Variants in MIER1 observed in about 807,000 individuals in gnomAD.
The protein encoded by MIER1 is MIER1 transcriptional regulator.
MIER1 carries 40 observed loss-of-function variants against 75.7 expected under a neutral mutation model. The observed-to-expected ratio is 0.53, with a 90% CI of 0.41 to 0.69. The LOEUF (loss-of-function observed/expected upper bound fraction) is 0.69, where lower values mean the gene tolerates loss of function less well. Ranked by LOEUF, MIER1 falls within the 30% of genes least tolerant of loss-of-function variation. The pLI, the probability that MIER1 is intolerant of heterozygous loss-of-function variation, is 0.00. For missense variants in MIER1, 574 were observed against 680.2 expected (o/e 0.84, Z 1.74); for synonymous variants, 213 against 223.4 (o/e 0.95, Z 0.42).
rs1377647931 is a variant in MIER1 at position 66,981,923 on chromosome 1, GCAA to G, written c.1369+7_1369+9del. 6.2e-7 allele frequency: 1 copy of G among 1,612,856 alleles called. No homozygotes were observed. The highest frequency in any genetic ancestry group is 8.5e-7 in the Non-Finnish European group (1 of 1,179,332). On this transcript the variant is annotated splice_donor_region_variant and intron_variant, in intron 13 of 13. Coordinates refer to ENST00000401041, the MANE Select transcript of MIER1 (RefSeq NM_001077700.3). ...TAAGCACTGCTAATCAAAATGGTAAGCAACCAGAGAAACATTTCTCTTTCTTCA... is the reference window on the plus strand; with the variant it reads ...TAAGCACTGCTAATCAAAATGGTAAGCCAGAGAAACATTTCTCTTTCTTCA...
intron 12 of MIER1, among the ~76,000 whole-genome samples, chr1:66,981,492 T>C (rs915967677): frequency 6.6e-6 from 1 of 152,216 alleles, no homozygotes; most frequent in Non-Finnish European, 1.5e-5. Context: ...CTTCCAGTTC[T>C]AGTTGGGCCA....
At chr1:66,981,123 C>A (rs1665791972) in intron 12 of MIER1, among the ~76,000 whole-genome samples, 1 of 152,100 alleles carries the variant, frequency 6.6e-6, no homozygotes, top group Non-Finnish European at 1.5e-5. Flanking sequence ...GTAGGTGATA[C>A]ACTAAACCTG....
chr1:66,979,857 C>A (rs972681254), intron 12 of MIER1, among the ~76,000 whole-genome samples: 1 of 151,986 alleles, frequency 6.6e-6, no homozygotes, highest in Non-Finnish European at 1.5e-5. Flanking sequence ...CTCCACCGCC[C>A]GGGTTGAAGT....
chr1:66,925,509 C>T (rs1651419068), intron 1 of MIER1: 1 of 985,346 alleles, frequency 1.0e-6, no homozygotes, highest in Admixed American at 6.1e-5. Flanking sequence ...CCCCGGGAGG[C>T]TCTCGCTTGC....
rs984587390 is a variant in MIER1, at chr1:66,926,296, G to A, written c.168+54G>A. ...GGAGGGAAAATCCAAACTCCCTCAAGTAATATAAGATTATATTACTCTTCT... is the reference window on the plus strand; with the variant it reads ...GGAGGGAAAATCCAAACTCCCTCAAATAATATAAGATTATATTACTCTTCT... On this transcript the variant is annotated intron_variant, in intron 2 of 13. Coordinates refer to ENST00000401041, the MANE Select transcript of MIER1 (RefSeq NM_001077700.3). The A allele has an allele frequency of 3.0e-5, 39 of 1,310,958 alleles. 1 individual carries two copies. The highest frequency in any genetic ancestry group is 1.8e-4 in the Middle Eastern group (1 of 5,496). 81.2% of individuals were successfully genotyped at this position (1,310,958 alleles called of 1,614,324 possible). A position where few individuals can be genotyped will look rare whatever the true frequency, so the allele number is the denominator to read the frequency against.
At chr1:66,977,302 GTT>G (rs1328715740) in intron 12 of MIER1, among the ~76,000 whole-genome samples, 1 of 151,930 alleles carries the variant, frequency 6.6e-6, no homozygotes, top group African/African-American at 2.4e-5. Flanking sequence ...TAGAGACGGG[GTT>G]TCACTGTGTT....
intron 12 of MIER1, 110 bp from the exon 13 acceptor site, chr1:66,981,669 G>T: frequency 1.3e-6 from 1 of 791,750 alleles, no homozygotes; most frequent in Non-Finnish European, 2.0e-6. Context: ...TGGAATGAAT[G>T]TTAAGTGAAT....
intron 4 of MIER1, among the ~76,000 whole-genome samples, chr1:66,951,205 T>A (rs542924582): frequency 6.6e-6 from 1 of 152,326 alleles, no homozygotes; most frequent in Admixed American, 6.5e-5. Context: ...ATACAGGGTC[T>A]TACTCTGTCA....
chr1:66,952,441 T>C (rs1381542943), intron 4 of MIER1, among the ~76,000 whole-genome samples: 2 of 152,178 alleles, frequency 1.3e-5, no homozygotes, highest in African/African-American at 4.8e-5. Context: ...CATTACTGTT[T>C]ATAGCATCAG....
intron 7 of MIER1, among the ~76,000 whole-genome samples, chr1:66,962,005 A>T (rs1661341974): frequency 6.6e-6 from 1 of 152,208 alleles, no homozygotes; most frequent in Admixed American, 6.5e-5. Flanking sequence ...GAGACTTTCC[A>T]AATCCTAAGA....
At chr1:66,936,159 AAAG>A (rs1226898114) in intron 2 of MIER1, among the ~76,000 whole-genome samples, 2 of 152,070 alleles carry the variant, frequency 1.3e-5, no homozygotes, top group African/African-American at 4.8e-5. Flanking sequence ...CTTTCCTAAA[AAAG>A]GTATTTTTTC....
At chr1:66,930,582 C>T (rs1255028322) in intron 2 of MIER1, among the ~76,000 whole-genome samples, 13 of 151,548 alleles carry the variant, frequency 8.6e-5, no homozygotes, top group Admixed American at 2.6e-4. Context: ...GGGATGGGTC[C>T]GGGGGTAGGA....
chr1:66,935,568 TC>T (rs1654588397), intron 2 of MIER1, among the ~76,000 whole-genome samples: 1 of 152,154 alleles, frequency 6.6e-6, no homozygotes, highest in South Asian at 2.1e-4. Flanking sequence ...CACAAGATAA[TC>T]AGTTCCCAGT....
At chr1:66,925,118 A>G in intron 1 of MIER1, 23 bp downstream of exon 1, 1 of 1,544,580 alleles carries the variant, frequency 6.5e-7, no homozygotes, top group Non-Finnish European at 8.7e-7. Context: ...TCCACAAGCC[A>G]TCTCTCCCCT....
At position 66,925,471 on chromosome 1, in the gene MIER1, T is replaced by C. The variant is rs548136645; in HGVS notation, c.67+376T>C. ...ACCCTGCTGTGGCTCCGCCTCTTTC[T>C]CCTGTATTTCCCTCACTTGTGTCCC... On this transcript the variant is annotated intron_variant, in intron 1 of 13. Coordinates refer to ENST00000401041, the MANE Select transcript of MIER1 (RefSeq NM_001077700.3). The C allele has an allele frequency of 1.4e-5, 14 of 985,428 alleles. No individual in the cohort carries two copies. In the African/African-American group the frequency reaches 2.3e-4, roughly 16 times the overall value. 61.0% of individuals were successfully genotyped at this position (985,428 alleles called of 1,614,324 possible). A position where few individuals can be genotyped will look rare whatever the true frequency, so the allele number is the denominator to read the frequency against.
rs1049580352 is a variant in MIER1, at chr1:66,986,704, C to G, written c.*1804C>G. The stretch of plus-strand genomic sequence containing the variant: ...ACATTCACTGTTGTTACATACATAT[C>G]TAAGTAAATCAAAGTTTTGGGTGGA... On this transcript the variant is annotated 3_prime_UTR_variant, in exon 14 of 14. Transcript: ENST00000401041. 2.6e-6 allele frequency: 1 copy of G among 386,864 alleles called. No individual in the cohort carries two copies. The highest frequency in any genetic ancestry group is 2.1e-5 in the African/African-American group (1 of 48,310). The allele number at this position is 386,864 out of a possible 1,614,324, so 24.0% of individuals were successfully genotyped here. A position where few individuals can be genotyped will look rare whatever the true frequency, so the allele number is the denominator to read the frequency against.
At chr1:66,961,080 CAGAA>C (rs1661166741) in intron 7 of MIER1, among the ~76,000 whole-genome samples, 1 of 151,996 alleles carries the variant, frequency 6.6e-6, no homozygotes, top group Non-Finnish European at 1.5e-5. Context: ...ACACCTTACT[CAGAA>C]AGGGTATTAA....
chr1:66,977,803 A>G lies in MIER1; in HGVS notation c.1229+1081A>G, dbSNP rs181862818. Among the ~76,000 whole-genome samples the G allele has an allele frequency of 1.3e-3, 197 of 152,254 alleles. 1 individual carries two copies. Among genetic ancestry groups the G allele is most frequent in the South Asian group, 2.5e-3 (12 of 4,830 alleles). On this transcript the variant is annotated intron_variant, in intron 12 of 13. Coordinates refer to ENST00000401041, the MANE Select transcript of MIER1 (RefSeq NM_001077700.3). The stretch of plus-strand genomic sequence containing the variant: ...AATTATTCCCTAATGTTTACAGAAT[A>G]AAAAAATAATGCAAAATAAAAAATA...
intron 3 of MIER1, among the ~76,000 whole-genome samples, chr1:66,945,380 C>G (rs1163277831): frequency 6.8e-6 from 1 of 146,974 alleles, no homozygotes; most frequent in Non-Finnish European, 1.5e-5. Flanking sequence ...GGAATAATGA[C>G]AAGGAAAAAC....
Sources: gnomAD v4.1 joint callset for allele counts (sites outside exome capture counted in the v4.1 genomes callset) on GRCh38, gnomAD v4.1.1 for gene constraint, MANE v1.5 for transcripts, NCBI Gene and HGNC (gene_info 2026-07-23, HGNC 2026-07-21) for gene names.